NNT: variants seen among roughly 807,000 people sequenced by gnomAD.
NNT encodes NAD(P) transhydrogenase, mitochondrial.
A neutral mutation model predicts 104.8 loss-of-function variants in NNT; 50 were observed. That is an observed-to-expected ratio of 0.48 (90% CI 0.38 to 0.60). NNT has a LOEUF of 0.60. Among genes scored for constraint, NNT ranks in the 20% least tolerant of loss-of-function variants. The probability of loss-of-function intolerance (pLI) is 0.00; values close to 1 mark genes in which losing one functional copy is unlikely to be tolerated. For missense variants in NNT, 1,131 were observed against 1,330.7 expected (o/e 0.85, Z 2.33); for synonymous variants, 461 against 490.4 (o/e 0.94, Z 0.79).
At chr5:43,627,151 C>T (rs1247571643) in intron 6 of NNT, among the ~76,000 whole-genome samples, 1 of 152,172 alleles carries the variant, frequency 6.6e-6, no homozygotes, top group Non-Finnish European at 1.5e-5. Context: ...TTGTCTTCCT[C>T]CTAAGGCTGA....
intron 19 of NNT, among the ~76,000 whole-genome samples, chr5:43,690,054 T>C (rs1021405583): frequency 3.9e-5 from 6 of 152,130 alleles, no homozygotes; most frequent in African/African-American, 1.4e-4. Flanking sequence ...TTGGTGTTCC[T>C]GAGGAAGAAG....
chr5:43,646,323 T>A (rs1401328545), intron 10 of NNT, among the ~76,000 whole-genome samples: 1 of 152,180 alleles, frequency 6.6e-6, no homozygotes, highest in African/African-American at 2.4e-5. Context: ...TCTTTTTTTG[T>A]TGCTCAGGTA....
At chr5:43,685,040 C>G (rs2112153839) in intron 19 of NNT, among the ~76,000 whole-genome samples, 1 of 152,212 alleles carries the variant, frequency 6.6e-6, no homozygotes, top group Non-Finnish European at 1.5e-5. Flanking sequence ...GTTTTTGGGA[C>G]AAAACAGTGT....
chr5:43,679,790 A>G (rs1447061328), intron 19 of NNT, among the ~76,000 whole-genome samples: 1 of 152,076 alleles, frequency 6.6e-6, no homozygotes. Context: ...TTTTTTATTG[A>G]AGTAATTGTG....
intron 10 of NNT, among the ~76,000 whole-genome samples, chr5:43,646,127 C>T (rs573420119): frequency 6.6e-6 from 1 of 152,210 alleles, no homozygotes; most frequent in East Asian, 1.9e-4. Flanking sequence ...TTACTTGTCC[C>T]ACCTCTACGG....
rs1580070481 is a variant in NNT, at chr5:43,665,277, C to T, written c.2634+5927C>T. ...TTATTGATCATTCTTGGGTGTTTCT[C>T]GGAGAGGGGGATTTGGCAGGGTCAT... On this transcript the variant is annotated intron_variant, in intron 17 of 21. Transcript: ENST00000344920. Among the ~76,000 whole-genome samples the T allele has an allele frequency of 4.0e-5, 6 of 148,866 alleles. No individual in the cohort carries two copies. The South Asian group carries it at 1.1e-3, about 27-fold the overall frequency.
intron 19 of NNT, among the ~76,000 whole-genome samples, chr5:43,686,222 T>G (rs1741979703): frequency 6.6e-6 from 1 of 151,574 alleles, no homozygotes; most frequent in Non-Finnish European, 1.5e-5. Context: ...GAGAGGAAAA[T>G]AACAAATACT....
At chr5:43,642,921 T>C (rs1044513004) in intron 7 of NNT, among the ~76,000 whole-genome samples, 1 of 152,172 alleles carries the variant, frequency 6.6e-6, no homozygotes, top group African/African-American at 2.4e-5. Flanking sequence ...TTTCTTTTTA[T>C]AAAAAATATG....
At chr5:43,704,234 C>A (rs1580143628) in intron 21 of NNT, 21 bp from the exon 22 acceptor site, 1 of 1,533,742 alleles carries the variant, frequency 6.5e-7, no homozygotes, top group South Asian at 1.3e-5. Context: ...TACACTCTCT[C>A]ATTTAATCTC....
At chr5:43,670,509 A>T (rs1435091889) in intron 17 of NNT, among the ~76,000 whole-genome samples, 1 of 152,202 alleles carries the variant, frequency 6.6e-6, no homozygotes, top group Non-Finnish European at 1.5e-5. Flanking sequence ...TTCAAAGAAC[A>T]TCTTTATTTC....
At chr5:43,677,527 A>G (rs1021062416) in intron 18 of NNT, among the ~76,000 whole-genome samples, 198 bp from the exon 19 acceptor site, 4 of 152,074 alleles carry the variant, frequency 2.6e-5, no homozygotes, top group African/African-American at 9.7e-5. Flanking sequence ...AAGATTGAGG[A>G]GCAATCATTA....
chr5:43,690,242 T>A (rs753363397), intron 19 of NNT, among the ~76,000 whole-genome samples: 1 of 152,156 alleles, frequency 6.6e-6, no homozygotes, highest in Non-Finnish European at 1.5e-5. Context: ...TTTTTTTTTT[T>A]TTAGTCCAGG....
intron 17 of NNT, among the ~76,000 whole-genome samples, chr5:43,662,893 C>CAAA (rs34800286): frequency 3.6e-4 from 29 of 79,656 alleles, no homozygotes; most frequent in East Asian, 2.8e-3. Context: ...GACCCTGTCT[C>CAAA]AAAAAAAAAA....
intron 21 of NNT, among the ~76,000 whole-genome samples, 187 bp from the exon 22 acceptor site, chr5:43,704,068 G>A (rs1207626206): frequency 6.6e-6 from 1 of 152,128 alleles, no homozygotes; most frequent in African/African-American, 2.4e-5. Context: ...GCACACTTAA[G>A]TATTAAAGTT....
rs1468546394 is a variant in NNT, at chr5:43,653,139, C to T, written c.1985C>T (p.Thr662Ile). Reference protein sequence around the residue: ...MIGVAGGLAATLGVLKPGPEL... With the variant: ...MIGVAGGLAAILGVLKPGPEL... ...GGGGTTGCTGGAGGACTGGCAGCCA[C>T]CCTCGGAGTCCTAAAACCGGGCCCA... The change falls in exon 14 of 22, where the codon ACC becomes ATC. Residue 662 changes from threonine to isoleucine, a missense_variant. Physicochemically the swap from Thr to Ile is moderately conservative, Grantham distance 89 (BLOSUM62 -1). Transcript: ENST00000344920. 1.2e-6 allele frequency: 2 copies of T among 1,614,130 alleles called. No homozygotes were observed. The highest frequency in any genetic ancestry group is 1.1e-5 in the South Asian group (1 of 91,070).
rs1036533030 is a variant in NNT, at chr5:43,707,084, C to T, written c.*2680C>T. The stretch of plus-strand genomic sequence containing the variant: ...TGTATACATATGTAGCAAACCTGCA[C>T]GTTGTGCACATGTACCCTAGAACTT... On this transcript the variant is annotated 3_prime_UTR_variant, in exon 22 of 22. Coordinates refer to ENST00000344920, the MANE Select transcript of NNT (RefSeq NM_182977.3). The T allele has an allele frequency of 4.6e-5, 7 of 150,636 alleles. No homozygotes were observed. Among genetic ancestry groups the T allele is most frequent in the East Asian group, 1.9e-4 (1 of 5,132 alleles). The allele number at this position is 150,636 out of a possible 1,614,324, so 9.3% of individuals were successfully genotyped here. A position where few individuals can be genotyped will look rare whatever the true frequency, so the allele number is the denominator to read the frequency against.
Position 43,666,174 on chromosome 5 carries a change from C to A in NNT, c.2634+6824C>A, listed in dbSNP as rs964657197. 1.8e-3 allele frequency among the ~76,000 whole-genome samples: 281 copies of A among 152,304 alleles called. 3 individuals carry two copies. The highest frequency in any genetic ancestry group is 7.5e-4 in the Non-Finnish European group (51 of 68,020). Reference sequence around the variant, plus strand: ...TGGGCGGCCAGGCAGAGACACTCCTCACTTCCTAGACGGGGTGGTGGCAGG... The same window carrying A: ...TGGGCGGCCAGGCAGAGACACTCCTAACTTCCTAGACGGGGTGGTGGCAGG... On this transcript the variant is annotated intron_variant, in intron 17 of 21. Coordinates refer to ENST00000344920, the MANE Select transcript of NNT (RefSeq NM_182977.3).
chr5:43,611,889 A>G (rs1749515409), intron 2 of NNT, among the ~76,000 whole-genome samples: 1 of 152,224 alleles, frequency 6.6e-6, no homozygotes, highest in South Asian at 2.1e-4. Flanking sequence ...GGTCTGAACC[A>G]TATCTAAATA....
chr5:43,647,698 G>T (rs16873433), intron 10 of NNT, among the ~76,000 whole-genome samples: 1 of 152,020 alleles, frequency 6.6e-6, no homozygotes, highest in African/African-American at 2.4e-5. Flanking sequence ...TTAGTTTATT[G>T]AATAGTTGAT....
Sources: allele counts gnomAD v4.1 joint callset (sites outside exome capture counted in the v4.1 genomes callset), GRCh38; gene constraint gnomAD v4.1.1; transcripts MANE v1.5; gene names NCBI Gene and HGNC (gene_info 2026-07-23, HGNC 2026-07-21).